The following C1orf185 variants were observed in gnomAD, a reference collection of about 807,000 sequenced individuals.
The protein encoded by C1orf185 is chromosome 1 open reading frame 185.
A neutral mutation model predicts 16.1 loss-of-function variants in C1orf185; 13 were observed. The ratio of observed to expected loss-of-function variants is 0.81; its 90% CI spans 0.53 to 1.28. The LOEUF is 1.28. Among genes scored for constraint, C1orf185 ranks in the 50% most tolerant of loss-of-function variants. The pLI is 0.00. For synonymous variants in C1orf185, 80 were observed against 76.9 expected (o/e 1.04, Z -0.21); for missense variants, 220 against 225.2 (o/e 0.98, Z 0.15).
At chr1:51,151,533 C>G (rs1264995430), downstream of C1orf185, among the ~76,000 whole-genome samples, 2 of 152,026 alleles carry the variant, frequency 1.3e-5, no homozygotes, top group Non-Finnish European at 2.9e-5. Flanking sequence ...CAGTGTCCAA[C>G]TGCCACAGTA....
intron 1 of C1orf185, among the ~76,000 whole-genome samples, chr1:51,103,242 C>G (rs116580398): frequency 6.6e-6 from 1 of 151,584 alleles, no homozygotes; most frequent in Non-Finnish European, 1.5e-5. Context: ...TCCATCTCTA[C>G]AAAAAATTTA....
intron 1 of C1orf185, among the ~76,000 whole-genome samples, chr1:51,103,049 A>G (rs1646042793): frequency 6.6e-6 from 1 of 152,074 alleles, no homozygotes; most frequent in Non-Finnish European, 1.5e-5. Flanking sequence ...TAAGTTATTA[A>G]TGTAGAGATT....
intron 3 of C1orf185, among the ~76,000 whole-genome samples, chr1:51,139,298 T>C (rs1231963986): frequency 6.6e-6 from 1 of 152,058 alleles, no homozygotes; most frequent in African/African-American, 2.4e-5. Context: ...AGACGGGCTT[T>C]CACCATGTTG....
intron 3 of C1orf185, among the ~76,000 whole-genome samples, chr1:51,135,927 G>A (rs569079507): frequency 3.3e-5 from 5 of 152,106 alleles, no homozygotes; most frequent in South Asian, 2.1e-4. Context: ...CAGCCCAAAA[G>A]CTCCTTAAGC....
chr1:51,147,162 C>A (rs1329731382), intron 4 of C1orf185, among the ~76,000 whole-genome samples: 1 of 152,012 alleles, frequency 6.6e-6, no homozygotes, highest in Non-Finnish European at 1.5e-5. Flanking sequence ...ATTAATTATA[C>A]CAGTATTGTT....
At chr1:51,121,641 C>T (rs1268647482) in intron 3 of C1orf185, among the ~76,000 whole-genome samples, 1 of 152,066 alleles carries the variant, frequency 6.6e-6, no homozygotes, top group Non-Finnish European at 1.5e-5. Context: ...TTGGCTTCTT[C>T]CTCTTCTACT....
chr1:51,147,860 C>T lies in C1orf185; in HGVS notation c.*89C>T, dbSNP rs1646411607. ...AAACCTTCAACATAATACTGAATGA[C>T]TTTTTTCTTTTGAAACCTTGTATAC... is the stretch of plus-strand genomic sequence containing the variant. On this transcript the variant is annotated 3_prime_UTR_variant, in exon 5 of 5. Coordinates refer to ENST00000371759, the MANE Select transcript of C1orf185 (RefSeq NM_001136508.2). The T allele has an allele frequency of 8.3e-7, 1 of 1,202,560 alleles. No homozygotes were observed. The highest frequency in any genetic ancestry group is 1.1e-6 in the Non-Finnish European group (1 of 895,120). 74.5% of individuals were successfully genotyped at this position (1,202,560 alleles called of 1,614,324 possible).
intron 1 of C1orf185, among the ~76,000 whole-genome samples, chr1:51,104,939 TA>T (rs1346321647): frequency 1.3e-5 from 2 of 152,012 alleles, no homozygotes; most frequent in African/African-American, 4.8e-5. Flanking sequence ...GTATGCTCCA[TA>T]ATCGTGTGTT....
intron 3 of C1orf185, among the ~76,000 whole-genome samples, chr1:51,136,471 G>A (rs1371821899): frequency 2.0e-5 from 3 of 151,644 alleles, no homozygotes; most frequent in African/African-American, 4.8e-5. Flanking sequence ...CAAAGCTGGC[G>A]GCATCACACT....
intron 1 of C1orf185, among the ~76,000 whole-genome samples, chr1:51,106,443 C>T (rs1037616788): frequency 3.9e-4 from 59 of 151,416 alleles, no homozygotes; most frequent in African/African-American, 1.3e-3. Context: ...AAAAGGAAAT[C>T]GGCCTTGGCA....
At chr1:51,137,280 C>A (rs1002880542) in intron 3 of C1orf185, among the ~76,000 whole-genome samples, 1 of 152,100 alleles carries the variant, frequency 6.6e-6, no homozygotes, top group African/African-American at 2.4e-5. Flanking sequence ...TACCTGTAAT[C>A]CCAGCACTTT....
intron 3 of C1orf185, among the ~76,000 whole-genome samples, chr1:51,123,333 A>G (rs2148018443): frequency 6.6e-6 from 1 of 152,356 alleles, no homozygotes; most frequent in South Asian, 2.1e-4. Flanking sequence ...AGGGACAAAT[A>G]TTGAAACTAT....
chr1:51,114,301 G>A (rs1646142767), intron 2 of C1orf185, among the ~76,000 whole-genome samples: 1 of 152,216 alleles, frequency 6.6e-6, no homozygotes, highest in African/African-American at 2.4e-5. Context: ...TCTAAACAAG[G>A]GGAATAGCAC....
At chr1:51,124,086 T>G (rs1271936545) in intron 3 of C1orf185, among the ~76,000 whole-genome samples, 2 of 147,482 alleles carry the variant, frequency 1.4e-5, no homozygotes, top group Non-Finnish European at 3.0e-5. Flanking sequence ...AGTTTGTTTT[T>G]TTTTTTTTTT....
chr1:51,134,546 A>G (rs990985873), intron 3 of C1orf185, among the ~76,000 whole-genome samples: 2 of 152,070 alleles, frequency 1.3e-5, no homozygotes, highest in Admixed American at 1.3e-4. Flanking sequence ...CAAAAGATCA[A>G]TGAATCCAGG....
chr1:51,103,953 C>T (rs1646051983), intron 1 of C1orf185, among the ~76,000 whole-genome samples: 1 of 152,172 alleles, frequency 6.6e-6, no homozygotes, highest in African/African-American at 2.4e-5. Context: ...TAATAAGTAG[C>T]TTTTCAAAGT....
intron 3 of C1orf185, among the ~76,000 whole-genome samples, chr1:51,125,001 C>T (rs1015633070): frequency 3.3e-5 from 5 of 152,130 alleles, no homozygotes; most frequent in African/African-American, 9.7e-5. Flanking sequence ...CTGCTTCTTG[C>T]TCATTTTATG....
chr1:51,142,260 T>G (rs117768966), intron 3 of C1orf185, among the ~76,000 whole-genome samples: 2 of 152,262 alleles, frequency 1.3e-5, no homozygotes, highest in East Asian at 1.9e-4. Context: ...TTAGTTGTCA[T>G]GTCTCTTCAG....
intron 3 of C1orf185, among the ~76,000 whole-genome samples, chr1:51,128,288 A>T (rs1646256788): frequency 6.6e-6 from 1 of 152,234 alleles, no homozygotes. Context: ...GCAGATTTCC[A>T]AAGTGATTGT....
Sources: gnomAD v4.1 joint callset for allele counts (sites outside exome capture counted in the v4.1 genomes callset) on GRCh38, gnomAD v4.1.1 for gene constraint, MANE v1.5 for transcripts, NCBI Gene and HGNC (gene_info 2026-07-23, HGNC 2026-07-21) for gene names.